Variants in LINGO2 observed in about 807,000 individuals in gnomAD.
LINGO2 encodes leucine rich repeat and Ig domain containing 2, also known as leucine-rich repeat and immunoglobulin-like domain-containing nogo receptor-interacting protein 2.
In LINGO2, 14 loss-of-function variants were observed where a neutral mutation model predicts 30.6. The observed-to-expected ratio is 0.46, with a 90% confidence interval of 0.30 to 0.72. LINGO2 has a LOEUF of 0.72. Among genes scored for constraint, LINGO2 ranks in the 30% least tolerant of loss-of-function variants. The pLI is 0.07. For missense variants in LINGO2, 729 were observed against 751.7 expected (o/e 0.97, Z 0.35); for synonymous variants, 317 against 288.5 (o/e 1.10, Z -1.00).
chr9:28,996,726 T>A, the LINGO2 span, among the ~76,000 whole-genome samples: 1 of 152,252 alleles, frequency 6.6e-6, no homozygotes, highest in Non-Finnish European at 1.5e-5. Context: ...AAGGGATTTG[T>A]AATGACCATG....
At chr9:28,990,281 A>T in the LINGO2 span, among the ~76,000 whole-genome samples, 27 of 152,328 alleles carry the variant, frequency 1.8e-4, no homozygotes, top group Non-Finnish European at 3.2e-4. Context: ...TCAAACTGCA[A>T]GGCAGCAGCA....
At chr9:29,030,668 G>A in the LINGO2 span, among the ~76,000 whole-genome samples, 4 of 152,076 alleles carry the variant, frequency 2.6e-5, no homozygotes, top group African/African-American at 9.7e-5. Context: ...TGATGTCACT[G>A]TCTTACCAAT....
chr9:28,119,256 C>A (rs1320814661), intron 4 of LINGO2, among the ~76,000 whole-genome samples: 2 of 152,110 alleles, frequency 1.3e-5, no homozygotes, highest in Non-Finnish European at 2.9e-5. Flanking sequence ...ACCTCAGCCT[C>A]CTGAGTAGCT....
chr9:29,002,469 A>ACTAAATGT, the LINGO2 span, among the ~76,000 whole-genome samples: 2 of 152,098 alleles, frequency 1.3e-5, no homozygotes, highest in African/African-American at 4.8e-5. Context: ...CTGATAACAT[A>ACTAAATGT]CTAAATGTGA....
intron 4 of LINGO2, among the ~76,000 whole-genome samples, chr9:28,094,709 A>G (rs34174698): frequency 0.03 from 4,641 of 152,206 alleles, 112 homozygotes; most frequent in Non-Finnish European, 0.038. Context: ...AATTAGAACA[A>G]GTGTTCAATT....
intron 4 of LINGO2, among the ~76,000 whole-genome samples, chr9:28,192,161 C>T (rs1169846122): frequency 6.6e-6 from 1 of 152,046 alleles, no homozygotes; most frequent in Non-Finnish European, 1.5e-5. Flanking sequence ...TCTCATTGCT[C>T]AAACCTAAGA....
At chr9:28,273,533 T>C (rs1172142652) in intron 4 of LINGO2, among the ~76,000 whole-genome samples, 1 of 152,210 alleles carries the variant, frequency 6.6e-6, no homozygotes. Context: ...TGGCAGGTCA[T>C]GGAGGACTGG....
At chr9:28,642,714 C>T (rs1336150587) in intron 1 of LINGO2, among the ~76,000 whole-genome samples, 1 of 152,070 alleles carries the variant, frequency 6.6e-6, no homozygotes, top group Admixed American at 6.5e-5. Context: ...TGACAAGTGG[C>T]TTATGACTCC....
At chr9:28,970,303 A>T in the LINGO2 span, among the ~76,000 whole-genome samples, 3 of 152,218 alleles carry the variant, frequency 2.0e-5, no homozygotes, top group East Asian at 5.8e-4. Context: ...TTTGCATTTC[A>T]AAACCTCACC....
At chr9:28,482,048 A>G (rs1488508750) in intron 1 of LINGO2, among the ~76,000 whole-genome samples, 1 of 152,140 alleles carries the variant, frequency 6.6e-6, no homozygotes, top group African/African-American at 2.4e-5. Context: ...GTTGGTTCCA[A>G]GTCTTTGCTA....
the LINGO2 span, among the ~76,000 whole-genome samples, chr9:28,753,571 G>T: frequency 6.6e-6 from 1 of 151,964 alleles, no homozygotes; most frequent in African/African-American, 2.4e-5. Context: ...AGGATAGAGG[G>T]GTCATGAGGG....
the LINGO2 span, among the ~76,000 whole-genome samples, chr9:28,953,607 A>T: frequency 3.7e-4 from 56 of 152,132 alleles, no homozygotes; most frequent in African/African-American, 1.3e-3. Context: ...CTTAATAGAA[A>T]ATAGCCTTAT....
intron 1 of LINGO2, among the ~76,000 whole-genome samples, chr9:28,513,521 A>G (rs1436095490): frequency 1.3e-5 from 2 of 152,244 alleles, no homozygotes; most frequent in African/African-American, 2.4e-5. Flanking sequence ...AGAAAAAGCA[A>G]TATTTGAGTA....
intron 4 of LINGO2, among the ~76,000 whole-genome samples, chr9:28,095,243 A>G (rs1826210303): frequency 2.0e-5 from 3 of 152,144 alleles, no homozygotes; most frequent in Non-Finnish European, 1.5e-5. Context: ...ATGCTCTGCT[A>G]TCATCACAGC....
At chr9:28,038,421 C>T (rs907264086) in intron 4 of LINGO2, among the ~76,000 whole-genome samples, 3 of 152,092 alleles carry the variant, frequency 2.0e-5, no homozygotes, top group African/African-American at 7.2e-5. Context: ...TGGCTGGGCG[C>T]GGTGGCTCAC....
At chr9:28,999,798 G>T in the LINGO2 span, among the ~76,000 whole-genome samples, 2 of 151,898 alleles carry the variant, frequency 1.3e-5, no homozygotes, top group Admixed American at 1.3e-4. Flanking sequence ...AAAAGAAAAA[G>T]AAATTCTCAG....
chr9:28,849,312 C>T, the LINGO2 span, among the ~76,000 whole-genome samples: 4 of 152,090 alleles, frequency 2.6e-5, no homozygotes, highest in African/African-American at 7.2e-5. Context: ...AACGCTGTCC[C>T]TGGCATGTGA....
intron 4 of LINGO2, among the ~76,000 whole-genome samples, chr9:28,224,478 G>A (rs1821079879): frequency 1.3e-5 from 2 of 152,032 alleles, no homozygotes; most frequent in Non-Finnish European, 2.9e-5. Flanking sequence ...ATCCATCATC[G>A]CCACAAATAT....
chr9:28,848,389 GTGTGTGTGTA>G, the LINGO2 span, among the ~76,000 whole-genome samples: 27 of 52,298 alleles, frequency 5.2e-4, no homozygotes, highest in African/African-American at 1.3e-3. Context: ...GTGTGTGTGT[GTGTGTGTGTA>G]TATATATATA....
Sources: allele counts gnomAD v4.1 joint callset (sites outside exome capture counted in the v4.1 genomes callset), GRCh38; gene constraint gnomAD v4.1.1; transcripts MANE v1.5; gene names NCBI Gene and HGNC (gene_info 2026-07-23, HGNC 2026-07-21).